The following ATP6V1G1 variants were observed in gnomAD, a reference collection of about 807,000 sequenced individuals.
ATP6V1G1 encodes the protein ATPase H+ transporting V1 subunit G1.
ATP6V1G1 carries 14 observed loss-of-function variants against 14.2 expected under a neutral mutation model. That is an observed-to-expected ratio of 0.99 (90% CI 0.65 to 1.55). The LOEUF (loss-of-function observed/expected upper bound fraction) is 1.55, where lower values mean the gene tolerates loss of function less well. Among genes scored for constraint, ATP6V1G1 ranks in the 40% most tolerant of loss-of-function variants. ATP6V1G1 has a pLI of 0.00. For missense variants in ATP6V1G1, 137 were observed against 146.4 expected, an observed-to-expected ratio of 0.94 and a Z score of 0.33; for synonymous variants, 65 against 53.3, an observed-to-expected ratio of 1.22 and a Z score of -0.96.
chr9:114,594,214 C>T (rs1845211780), intron 2 of ATP6V1G1, among the ~76,000 whole-genome samples: 1 of 151,798 alleles, frequency 6.6e-6, no homozygotes, highest in Admixed American at 6.6e-5. Context: ...AAATTGCAGG[C>T]ATGCGCCACC....
intron 2 of ATP6V1G1, 101 bp from the exon 3 acceptor site, chr9:114,597,469 C>A: frequency 8.0e-7 from 1 of 1,246,466 alleles, no homozygotes; most frequent in Middle Eastern, 3.0e-4. Flanking sequence ...GATAGGTGAG[C>A]CTGGGTTTCT....
At chr9:114,594,198 T>A (rs1468539652) in intron 2 of ATP6V1G1, among the ~76,000 whole-genome samples, 1 of 151,606 alleles carries the variant, frequency 6.6e-6, no homozygotes, top group Non-Finnish European at 1.5e-5. Flanking sequence ...ACCTCCCGAG[T>A]AGCTGAAATT....
At chr9:114,589,579 T>C (rs145646210) in intron 1 of ATP6V1G1, among the ~76,000 whole-genome samples, 1 of 152,326 alleles carries the variant, frequency 6.6e-6, no homozygotes, top group African/African-American at 2.4e-5. Context: ...TTTGAGGGTG[T>C]TGGGAATGAG....
Position 114,598,111 on chromosome 9 carries a change from T to A in ATP6V1G1, c.*368T>A, listed in dbSNP as rs1487276934. ...TGAAGAAAGGAAGGGATTAAATAAT[T>A]TTTTTCCCTAACACTTTCTTGAAGG... On this transcript the variant is annotated 3_prime_UTR_variant, in exon 3 of 3. Coordinates refer to ENST00000374050, the MANE Select transcript of ATP6V1G1 (RefSeq NM_004888.4). 1.3e-5 allele frequency: 2 copies of A among 153,884 alleles called. No individual in the cohort carries two copies. 9.5% of individuals were successfully genotyped at this position (153,884 alleles called of 1,614,324 possible).
chr9:114,588,261 G>A (rs973901662), intron 1 of ATP6V1G1: 1 of 280,080 alleles, frequency 3.6e-6, no homozygotes. Flanking sequence ...AAGGGAGCCA[G>A]CATCCACACA....
intron 2 of ATP6V1G1, 141 bp downstream of exon 2, chr9:114,592,793 C>CATCT (rs1845195920): frequency 1.3e-6 from 1 of 798,822 alleles, no homozygotes. Context: ...GCTGCTCAGG[C>CATCT]ATCTGTCTTT....
chr9:114,594,941 C>T (rs549120411), intron 2 of ATP6V1G1, among the ~76,000 whole-genome samples: 4 of 149,696 alleles, frequency 2.7e-5, no homozygotes, highest in African/African-American at 9.8e-5. Flanking sequence ...CTCACTGCAT[C>T]CCCCACCTCC....
intron 2 of ATP6V1G1, among the ~76,000 whole-genome samples, chr9:114,596,589 G>C (rs1233968736): frequency 1.3e-5 from 2 of 151,982 alleles, no homozygotes; most frequent in Non-Finnish European, 2.9e-5. Context: ...ACCAATAATG[G>C]TGAAACTCCT....
chr9:114,597,623 G>A lies in ATP6V1G1; in HGVS notation c.237G>A (p.Glu79=). The change falls in exon 3 of 3, where the codon GAG becomes GAA. Residue 79 remains glutamate, a synonymous_variant. Coordinates refer to ENST00000374050, the MANE Select transcript of ATP6V1G1 (RefSeq NM_004888.4). ...CTGAAGTGGAGAAGGAGACCCAGGA[G>A]AAGATGACCATCCTCCAGACATACT... is the stretch of plus-strand genomic sequence containing the variant. ...CSTEVEKETQ[E]KMTILQTYFR... 6.3e-7 allele frequency: 1 copy of A among 1,584,300 alleles called. No homozygotes were observed. Among genetic ancestry groups the A allele is most frequent in the East Asian group, 2.3e-5 (1 of 42,880 alleles).
At chr9:114,592,328 AC>A (rs1359924846) in intron 1 of ATP6V1G1, among the ~76,000 whole-genome samples, 1 of 152,190 alleles carries the variant, frequency 6.6e-6, no homozygotes, top group Non-Finnish European at 1.5e-5. Flanking sequence ...GGCTGTAGTT[AC>A]AGAAGGTATT....
At chr9:114,589,511 T>G (rs905880372) in intron 1 of ATP6V1G1, among the ~76,000 whole-genome samples, 2 of 152,216 alleles carry the variant, frequency 1.3e-5, no homozygotes, top group Admixed American at 1.3e-4. Context: ...CAACTAGATT[T>G]CAAGCATGTC....
Position 114,597,828 on chromosome 9 carries a change from T to C in ATP6V1G1, c.*85T>C, listed in dbSNP as rs2133561741. The C allele has an allele frequency of 3.3e-6, 4 of 1,219,160 alleles. No homozygotes were observed. The highest frequency in any genetic ancestry group is 4.3e-6 in the Non-Finnish European group (4 of 938,602). 75.5% of individuals were successfully genotyped at this position (1,219,160 alleles called of 1,614,324 possible). A position where few individuals can be genotyped will look rare whatever the true frequency, so the allele number is the denominator to read the frequency against. On this transcript the variant is annotated 3_prime_UTR_variant, in exon 3 of 3. Coordinates refer to ENST00000374050, the MANE Select transcript of ATP6V1G1 (RefSeq NM_004888.4). ...TAGCACAGCTCTAGTTACATTCTTA[T>C]GATATGGCATTAAATTATTTCCATA...
At chr9:114,590,964 T>C (rs1216930985) in intron 1 of ATP6V1G1, among the ~76,000 whole-genome samples, 3 of 151,992 alleles carry the variant, frequency 2.0e-5, no homozygotes, top group African/African-American at 7.2e-5. Context: ...CCCGGCTAGT[T>C]TTTGTGTTTT....
intron 1 of ATP6V1G1, among the ~76,000 whole-genome samples, chr9:114,590,933 C>G (rs1240332730): frequency 1.3e-5 from 2 of 151,936 alleles, no homozygotes; most frequent in Non-Finnish European, 2.9e-5. Context: ...GTAGCTGGGA[C>G]TACAGGTGCC....
intron 1 of ATP6V1G1, among the ~76,000 whole-genome samples, chr9:114,591,052 T>C (rs936846075): frequency 6.6e-6 from 1 of 152,050 alleles, no homozygotes; most frequent in African/African-American, 2.4e-5. Context: ...CCTTGGCCTC[T>C]CAAAGTGCTG....
chr9:114,597,389 C>T (rs1324245253), intron 2 of ATP6V1G1, among the ~76,000 whole-genome samples, 181 bp from the exon 3 acceptor site: 1 of 152,132 alleles, frequency 6.6e-6, no homozygotes, highest in African/African-American at 2.4e-5. Flanking sequence ...AGATGTGGCT[C>T]CTGTTAACTC....
intron 1 of ATP6V1G1, among the ~76,000 whole-genome samples, chr9:114,590,764 TTTA>T (rs1349892704): frequency 4.6e-5 from 7 of 151,862 alleles, no homozygotes; most frequent in African/African-American, 1.2e-4. Context: ...TTAAATTTTT[TTTA>T]TTATTTTTTA....
rs74597812 is a variant in ATP6V1G1 at position 114,587,815 on chromosome 9, C to G, written c.-24C>G. 10,919 of 1,571,864 alleles carry G rather than the reference C, an allele frequency of 6.9e-3. 54 individuals are homozygous for G. Among genetic ancestry groups the G allele is most frequent in the Non-Finnish European group, 8.4e-3 (9,708 of 1,158,360 alleles). On this transcript the variant is annotated 5_prime_UTR_variant, in exon 1 of 3. Transcript: ENST00000374050. ...CTTCGAGGTGCCTTAGGCCGCTTGC[C>G]TTGCTCTCAGAATCGCTGCCGCCAT...
chr9:114,589,504 C>G (rs1845162299), intron 1 of ATP6V1G1, among the ~76,000 whole-genome samples: 1 of 152,158 alleles, frequency 6.6e-6, no homozygotes, highest in South Asian at 2.1e-4. Context: ...TGACATCCAA[C>G]TAGATTTCAA....
Sources: allele counts gnomAD v4.1 joint callset (sites outside exome capture counted in the v4.1 genomes callset), GRCh38; gene constraint gnomAD v4.1.1; transcripts MANE v1.5; gene names NCBI Gene and HGNC (gene_info 2026-07-23, HGNC 2026-07-21).